The following GALNT11 variants were observed in gnomAD, a reference collection of about 807,000 sequenced individuals.
GALNT11 encodes polypeptide N-acetylgalactosaminyltransferase 11.
A neutral mutation model predicts 72.7 loss-of-function variants in GALNT11; 47 were observed. The observed-to-expected ratio is 0.65, with a 90% CI of 0.51 to 0.82. The LOEUF (loss-of-function observed/expected upper bound fraction) is 0.82, where lower values mean the gene tolerates loss of function less well. Ranked by LOEUF, GALNT11 falls within the 40% of genes least tolerant of loss-of-function variation. The probability of loss-of-function intolerance (pLI) is 0.00; values close to 1 mark genes in which losing one functional copy is unlikely to be tolerated. For missense variants in GALNT11, 677 were observed against 778.4 expected, an observed-to-expected ratio of 0.87 and a Z score of 1.55; for synonymous variants, 270 against 286.6, an observed-to-expected ratio of 0.94 and a Z score of 0.58.
At chr7:152,093,036 C>T (rs1186983221) in intron 1 of GALNT11, among the ~76,000 whole-genome samples, 1 of 152,118 alleles carries the variant, frequency 6.6e-6, no homozygotes, top group African/African-American at 2.4e-5. Flanking sequence ...TGAGAGCAGC[C>T]TGGCCAACAT....
chr7:152,116,760 A>G, intron 8 of GALNT11: 1 of 357,818 alleles, frequency 2.8e-6, no homozygotes, highest in Non-Finnish European at 5.4e-6. Context: ...TAAGCCAGCC[A>G]GCCAGCAAAA....
intron 4 of GALNT11, 148 bp from the exon 5 acceptor site, chr7:152,105,097 A>G: frequency 1.2e-6 from 1 of 805,794 alleles, no homozygotes; most frequent in Middle Eastern, 3.9e-4. Flanking sequence ...ATAAGCTACA[A>G]TACTCTTTTA....
chr7:152,117,325 A>AT lies in GALNT11; in HGVS notation c.1407dup (p.Val470CysfsTer3). ...GTCCCACGCCAAACCCCAACAACCC[A>AT]TTTTTGTCAATAGAGGGCCAAAACG... On this transcript the variant is annotated frameshift_variant, in exon 9 of 12. Coordinates refer to ENST00000430044, the MANE Select transcript of GALNT11 (RefSeq NM_022087.4). LOFTEE classifies it high-confidence loss of function. 6.2e-7 allele frequency: 1 copy of AT among 1,614,128 alleles called. No individual in the cohort carries two copies. Among genetic ancestry groups the AT allele is most frequent in the South Asian group, 1.1e-5 (1 of 91,082 alleles).
In GALNT11 at chr7:152,026,517, G is replaced by A. The variant is rs536980941; in HGVS notation, c.-39+633G>A. On this transcript the variant is annotated intron_variant, in intron 1 of 11. Coordinates refer to ENST00000430044, the MANE Select transcript of GALNT11 (RefSeq NM_022087.4). ...CCCTGGCAGTGTAAATTGACAGCTT[G>A]TCTTCGCAGGTGAGGAACAGGGACA... Among the ~76,000 whole-genome samples the A allele has an allele frequency of 1.3e-4, 20 of 152,342 alleles. No homozygotes were observed. In the East Asian group the frequency reaches 3.1e-3, roughly 24 times the overall value.
intron 7 of GALNT11, 110 bp downstream of exon 7, chr7:152,110,755 G>A: frequency 1.1e-6 from 1 of 873,544 alleles, no homozygotes; most frequent in Non-Finnish European, 1.8e-6. Context: ...TTTCGAGATA[G>A]GGTCTTTCTC....
In GALNT11 at chr7:152,068,335, T is replaced by A. The variant is rs990438525; in HGVS notation, c.-38-25855T>A. Among the ~76,000 whole-genome samples, 5 of 152,222 alleles carry A rather than the reference T, an allele frequency of 3.3e-5. No individual in the cohort carries two copies. In the South Asian group the frequency reaches 8.3e-4, roughly 25 times the overall value. ...AATATGCATTTCAGTTTTTTTCACA[T>A]CTTTGTGTAGTTTGATAGTTCTTCT... On this transcript the variant is annotated intron_variant, in intron 1 of 11. Transcript: ENST00000430044.
intron 1 of GALNT11, among the ~76,000 whole-genome samples, chr7:152,028,268 AT>A (rs1405570047): frequency 6.6e-6 from 1 of 152,150 alleles, no homozygotes; most frequent in Non-Finnish European, 1.5e-5. Flanking sequence ...TGATTAGTCC[AT>A]TTTAGAGTGC....
intron 6 of GALNT11, 142 bp from the exon 7 acceptor site, chr7:152,110,386 C>CAGT: frequency 2.8e-6 from 2 of 709,416 alleles, no homozygotes; most frequent in Non-Finnish European, 4.9e-6. Flanking sequence ...GGCTCATTCT[C>CAGT]TGATACTGGA....
At chr7:152,089,713 G>A (rs1315975214) in intron 1 of GALNT11, among the ~76,000 whole-genome samples, 1 of 152,196 alleles carries the variant, frequency 6.6e-6, no homozygotes, top group Non-Finnish European at 1.5e-5. Context: ...GACATAGAAT[G>A]TACTATGCAC....
Position 152,055,878 on chromosome 7 carries a change from T to G in GALNT11, c.-39+29994T>G, listed in dbSNP as rs537913104. ...AATTATAAGAAATAATATCAAGAGATCTTGTGTACCCTTTACCTAATTTCC... is the reference window on the plus strand; with the variant it reads ...AATTATAAGAAATAATATCAAGAGAGCTTGTGTACCCTTTACCTAATTTCC... On this transcript the variant is annotated intron_variant, in intron 1 of 11. Transcript: ENST00000430044. Among the ~76,000 whole-genome samples the G allele has an allele frequency of 2.0e-5, 3 of 152,168 alleles. No homozygotes were observed. In the East Asian group the frequency reaches 5.8e-4, roughly 29 times the overall value.
chr7:152,055,908 A>G lies in GALNT11; in HGVS notation c.-39+30024A>G, dbSNP rs759482751. ...TGTACCCTTTACCTAATTTCCCCCA[A>G]TGGTAATATCTTGCAAAAGTATACT... On this transcript the variant is annotated intron_variant, in intron 1 of 11. Transcript: ENST00000430044. Among the ~76,000 whole-genome samples, 335 of 152,160 alleles carry G rather than the reference A, an allele frequency of 2.2e-3. 1 individual carries two copies. Among genetic ancestry groups the G allele is most frequent in the Non-Finnish European group, 4.0e-3 (272 of 67,992 alleles).
At chr7:152,096,760 A>G (rs1472958041) in intron 2 of GALNT11, among the ~76,000 whole-genome samples, 1 of 151,558 alleles carries the variant, frequency 6.6e-6, no homozygotes, top group Non-Finnish European at 1.5e-5. Flanking sequence ...ACAGAATGGG[A>G]GAAAATATTT....
intron 1 of GALNT11, among the ~76,000 whole-genome samples, chr7:152,034,860 C>T (rs1222530990): frequency 6.6e-6 from 1 of 152,104 alleles, no homozygotes; most frequent in African/African-American, 2.4e-5. Flanking sequence ...AATCTGCACC[C>T]TTGCCTGTCC....
At position 152,100,790 on chromosome 7, in the gene GALNT11, T is replaced by C. The variant is rs771556840; in HGVS notation, c.296-8T>C. The C allele has an allele frequency of 6.2e-7, 1 of 1,613,162 alleles. No individual in the cohort carries two copies. The highest frequency in any genetic ancestry group is 1.7e-5 in the Admixed American group (1 of 60,000). On this transcript the variant is annotated splice_polypyrimidine_tract_variant and splice_region_variant and intron_variant, in intron 2 of 11. Transcript: ENST00000430044. ...TTTAATTCGCTGACTAACTTCACTC[T>C]TTTGCAGGTATGATTTTTAATGAAC... is the stretch of plus-strand genomic sequence containing the variant.
chr7:152,107,812 T>C (rs142472740), intron 5 of GALNT11: 11 of 437,276 alleles, frequency 2.5e-5, no homozygotes, highest in Non-Finnish European at 4.6e-5. Context: ...GTATGATTTG[T>C]ATGGGTCCCT....
At chr7:152,076,613 A>G (rs376785683) in intron 1 of GALNT11, among the ~76,000 whole-genome samples, 9 of 152,188 alleles carry the variant, frequency 5.9e-5, no homozygotes, top group Non-Finnish European at 1.3e-4. Context: ...GTATATTGTG[A>G]GGACTGCCCT....
chr7:152,038,246 T>C (rs2082682478), intron 1 of GALNT11, among the ~76,000 whole-genome samples: 1 of 152,144 alleles, frequency 6.6e-6, no homozygotes, highest in South Asian at 2.1e-4. Context: ...CCTTCAGAGC[T>C]GAGAGCCATG....
At position 152,121,579 on chromosome 7, in the gene GALNT11, C is replaced by T. The variant is rs747541275; in HGVS notation, c.1729C>T (p.Gln577Ter). The T allele has an allele frequency of 3.7e-6, 6 of 1,613,962 alleles. No homozygotes were observed. The highest frequency in any genetic ancestry group is 8.5e-7 in the Non-Finnish European group (1 of 1,179,960). ...NNRLYQVSVGQCLRAVDPLGQ... is the reference protein window; with the variant it reads ...NNRLYQVSVG ...TCGGCTATACCAGGTGTCGGTTGGA[C>T]AGTGCCTGAGAGCAGTGGATCCCCT... The change falls in exon 12 of 12, where the codon CAG becomes TAG. Residue 577 changes from glutamine to a stop codon, truncating the protein, a stop_gained. Coordinates refer to ENST00000430044, the MANE Select transcript of GALNT11 (RefSeq NM_022087.4). LOFTEE classifies it high-confidence loss of function.
intron 1 of GALNT11, among the ~76,000 whole-genome samples, chr7:152,063,869 A>G (rs1449608633): frequency 2.0e-5 from 3 of 152,124 alleles, no homozygotes; most frequent in Non-Finnish European, 4.4e-5. Flanking sequence ...GCTGAGGAGT[A>G]CTTTACTTCC....
Sources: allele counts gnomAD v4.1 joint callset (sites outside exome capture counted in the v4.1 genomes callset), GRCh38; gene constraint gnomAD v4.1.1; transcripts MANE v1.5; gene names NCBI Gene and HGNC (gene_info 2026-07-23, HGNC 2026-07-21).